PTPRT: variants seen among roughly 807,000 people sequenced by gnomAD.
PTPRT encodes the protein receptor-type tyrosine-protein phosphatase T.
Under a neutral mutation model 176.8 loss-of-function variants are expected in PTPRT, and 56 were observed. That is an observed-to-expected ratio of 0.32 (90% CI 0.26 to 0.40). The LOEUF (loss-of-function observed/expected upper bound fraction) is 0.40, where lower values mean the gene tolerates loss of function less well. PTPRT is among the 10% of genes least tolerant of loss of function. PTPRT has a pLI of 1.00. For missense variants in PTPRT, 1,540 were observed against 1,908.2 expected (o/e 0.81, Z 3.60); for synonymous variants, 783 against 739.0 (o/e 1.06, Z -0.96).
At chr20:43,027,430 C>G (rs112334156) in intron 1 of PTPRT, among the ~76,000 whole-genome samples, 2,496 of 149,808 alleles carry the variant, frequency 0.017, 70 homozygotes, top group African/African-American at 0.059. Context: ...GAGCCAAGAT[C>G]GTGCCACTAC....
chr20:42,098,317 T>C (rs1985494433), intron 27 of PTPRT, 104 bp downstream of exon 27: 1 of 1,487,318 alleles, frequency 6.7e-7, no homozygotes, highest in East Asian at 2.3e-5. Flanking sequence ...ACAAGACAGC[T>C]GGCTGGGGCA....
At chr20:43,018,685 A>G (rs1456962944) in intron 1 of PTPRT, among the ~76,000 whole-genome samples, 2 of 152,248 alleles carry the variant, frequency 1.3e-5, no homozygotes, top group Non-Finnish European at 2.9e-5. Context: ...GAAAATATGA[A>G]CAAAAGATTT....
At chr20:43,151,460 T>C (rs1433801550) in intron 1 of PTPRT, among the ~76,000 whole-genome samples, 2 of 152,166 alleles carry the variant, frequency 1.3e-5, no homozygotes, top group African/African-American at 4.8e-5. Context: ...TAGTAATTCA[T>C]CTGAGAACTA....
chr20:42,220,007 G>A (rs544513410), intron 15 of PTPRT, among the ~76,000 whole-genome samples: 1 of 151,156 alleles, frequency 6.6e-6, no homozygotes, highest in Non-Finnish European at 1.5e-5. Flanking sequence ...CCCCATCTGA[G>A]ATATCTATTT....
intron 9 of PTPRT, among the ~76,000 whole-genome samples, chr20:42,416,441 G>A (rs2059066717): frequency 6.6e-6 from 1 of 152,108 alleles, no homozygotes; most frequent in Non-Finnish European, 1.5e-5. Flanking sequence ...GCCGCCACAG[G>A]AAAAAACTGT....
At chr20:42,304,498 G>T (rs969693957) in intron 12 of PTPRT, among the ~76,000 whole-genome samples, 2 of 152,080 alleles carry the variant, frequency 1.3e-5, no homozygotes, top group East Asian at 1.9e-4. Context: ...GGGTGTTAAT[G>T]TTTTCCAAAA....
chr20:42,987,618 A>T (rs56246210), intron 1 of PTPRT, among the ~76,000 whole-genome samples: 25 of 151,062 alleles, frequency 1.7e-4, no homozygotes, highest in African/African-American at 5.6e-4. Context: ...CACCTCAGAC[A>T]CTCACCCCGC....
intron 9 of PTPRT, among the ~76,000 whole-genome samples, chr20:42,370,058 C>A (rs1051509694): frequency 1.4e-4 from 22 of 151,868 alleles, no homozygotes; most frequent in African/African-American, 5.3e-4. Flanking sequence ...TTACCCATCC[C>A]AAATCCTGTA....
At chr20:42,794,449 A>T (rs1325150765) in intron 2 of PTPRT, among the ~76,000 whole-genome samples, 3 of 152,144 alleles carry the variant, frequency 2.0e-5, no homozygotes, top group Admixed American at 2.0e-4. Flanking sequence ...TCTGCAGTTT[A>T]TCAGGATCCC....
intron 1 of PTPRT, among the ~76,000 whole-genome samples, chr20:42,954,407 C>A (rs1981485170): frequency 6.6e-6 from 1 of 152,140 alleles, no homozygotes. Context: ...TCTCCCTCCC[C>A]TGGTCCAGGA....
intron 1 of PTPRT, among the ~76,000 whole-genome samples, chr20:43,080,482 G>A (rs2011410828): frequency 6.6e-6 from 1 of 152,186 alleles, no homozygotes; most frequent in African/African-American, 2.4e-5. Context: ...CATAATAGCT[G>A]CCTTTACTAC....
intron 2 of PTPRT, among the ~76,000 whole-genome samples, chr20:42,836,282 A>G (rs1251589360): frequency 2.0e-5 from 3 of 151,964 alleles, no homozygotes; most frequent in Non-Finnish European, 2.9e-5. Flanking sequence ...CATTCCTGGG[A>G]GTTTCTTTGT....
At chr20:42,962,032 T>C (rs1982011168) in intron 1 of PTPRT, among the ~76,000 whole-genome samples, 1 of 152,206 alleles carries the variant, frequency 6.6e-6, no homozygotes, top group Non-Finnish European at 1.5e-5. Context: ...AGTCCTGCTG[T>C]CACCCTGCTG....
chr20:42,901,760 G>A (rs1452393298), intron 1 of PTPRT, among the ~76,000 whole-genome samples: 1 of 152,192 alleles, frequency 6.6e-6, no homozygotes, highest in Non-Finnish European at 1.5e-5. Context: ...AAAGGAAGCA[G>A]AAAAATAAAT....
chr20:42,040,106 A>G, the PTPRT span, among the ~76,000 whole-genome samples: 1 of 151,898 alleles, frequency 6.6e-6, no homozygotes. Context: ...AACATTTTTT[A>G]TCTCTTGTCT....
intron 12 of PTPRT, among the ~76,000 whole-genome samples, chr20:42,314,526 CAAAA>C (rs386393782): frequency 9.8e-6 from 1 of 102,316 alleles, no homozygotes; most frequent in African/African-American, 3.5e-5. Flanking sequence ...GAGACTGTGT[CAAAA>C]AAAAAAAAAA....
At chr20:42,060,959 A>G in the PTPRT span, among the ~76,000 whole-genome samples, 1 of 152,194 alleles carries the variant, frequency 6.6e-6, no homozygotes, top group South Asian at 2.1e-4. Context: ...CTTAACAACT[A>G]TGTGATCTGA....
chr20:42,425,131 C>T (rs973327322), intron 9 of PTPRT, among the ~76,000 whole-genome samples: 1 of 152,044 alleles, frequency 6.6e-6, no homozygotes, highest in Non-Finnish European at 1.5e-5. Flanking sequence ...TGCATCCACT[C>T]TCTGCTAGGT....
intron 6 of PTPRT, among the ~76,000 whole-genome samples, chr20:42,731,105 T>A (rs937033071): frequency 6.6e-6 from 1 of 152,048 alleles, no homozygotes; most frequent in African/African-American, 2.4e-5. Context: ...AAGGGAGGGG[T>A]GCAGGTAAAA....
Sources: allele counts gnomAD v4.1 joint callset (sites outside exome capture counted in the v4.1 genomes callset), GRCh38; gene constraint gnomAD v4.1.1; transcripts MANE v1.5; gene names NCBI Gene and HGNC (gene_info 2026-07-23, HGNC 2026-07-21).